The following VPS37A variants were observed in gnomAD, a reference collection of about 807,000 sequenced individuals.
VPS37A encodes vacuolar protein sorting-associated protein 37A.
A neutral mutation model predicts 49.8 loss-of-function variants in VPS37A; 30 were observed. The ratio of observed to expected loss-of-function variants is 0.60; its 90% CI spans 0.45 to 0.82. The LOEUF is 0.82. Among genes scored for constraint, VPS37A ranks in the 40% least tolerant of loss-of-function variants. VPS37A has a pLI of 0.00. For synonymous variants in VPS37A, 195 were observed against 160.6 expected, an observed-to-expected ratio of 1.21 and a Z score of -1.62; for missense variants, 593 against 464.4, an observed-to-expected ratio of 1.28 and a Z score of -2.55.
chr8:17,274,589 T>G, intron 4 of VPS37A, 144 bp from the exon 5 acceptor site: 1 of 551,956 alleles, frequency 1.8e-6, no homozygotes, highest in Non-Finnish European at 3.1e-6. Flanking sequence ...TTTAATTCCA[T>G]TATATAATTT....
intron 9 of VPS37A, 87 bp from the exon 10 acceptor site, chr8:17,284,386 T>A: frequency 6.9e-7 from 1 of 1,448,368 alleles, no homozygotes; most frequent in African/African-American, 1.5e-5. Flanking sequence ...ATAAATTGCC[T>A]CTCCATACCA....
At chr8:17,312,204 C>A in the VPS37A span, among the ~76,000 whole-genome samples, 18 of 152,316 alleles carry the variant, frequency 1.2e-4, 1 homozygote, top group South Asian at 3.1e-3. Context: ...TGGCAGTTAA[C>A]ATACGCTGGG....
the VPS37A span, among the ~76,000 whole-genome samples, chr8:17,316,842 T>C: frequency 6.6e-6 from 1 of 151,940 alleles, no homozygotes; most frequent in Non-Finnish European, 1.5e-5. Flanking sequence ...TCTGCGTGTG[T>C]GGATTTGAGA....
At chr8:17,304,674 G>A (rs1386086213), downstream of VPS37A, among the ~76,000 whole-genome samples, 1 of 151,638 alleles carries the variant, frequency 6.6e-6, no homozygotes, top group East Asian at 1.9e-4. Flanking sequence ...TGACTTCATG[G>A]TATAGAGGGA....
At chr8:17,251,093 CT>C (rs1251118147) in intron 1 of VPS37A, among the ~76,000 whole-genome samples, 1 of 152,142 alleles carries the variant, frequency 6.6e-6, no homozygotes, top group Non-Finnish European at 1.5e-5. Context: ...AAGGCCCATA[CT>C]TTGTGGAGGC....
the VPS37A span, among the ~76,000 whole-genome samples, chr8:17,313,135 A>G: frequency 3.3e-5 from 5 of 152,212 alleles, no homozygotes; most frequent in Non-Finnish European, 7.3e-5. Flanking sequence ...TCGCAAAATC[A>G]TATCTTCAGC....
intron 1 of VPS37A, among the ~76,000 whole-genome samples, chr8:17,261,649 C>G (rs923060880): frequency 1.3e-5 from 2 of 152,098 alleles, no homozygotes; most frequent in Non-Finnish European, 2.9e-5. Context: ...AGGTTTCTGC[C>G]TCCTTTTTGG....
At chr8:17,328,557 G>A in the VPS37A span, among the ~76,000 whole-genome samples, 25 of 152,076 alleles carry the variant, frequency 1.6e-4, 1 homozygote, top group Admixed American at 3.3e-4. Context: ...CACACATTGG[G>A]GCCTGTTGGC....
chr8:17,273,052 G>A (rs1287447260), intron 4 of VPS37A, among the ~76,000 whole-genome samples: 14 of 105,104 alleles, frequency 1.3e-4, no homozygotes, highest in African/African-American at 4.0e-4. Context: ...TTTTTTTGGT[G>A]GAGGGGGTCA....
chr8:17,286,493 T>C, intron 11 of VPS37A, 66 bp downstream of exon 11: 1 of 1,399,140 alleles, frequency 7.1e-7, no homozygotes, highest in Non-Finnish European at 1.0e-6. Context: ...AGACATGTTG[T>C]TAACGGTGCC....
chr8:17,273,192 A>G (rs777664549), intron 4 of VPS37A, among the ~76,000 whole-genome samples: 3 of 151,834 alleles, frequency 2.0e-5, no homozygotes, highest in Non-Finnish European at 4.4e-5. Flanking sequence ...AGATATTTTC[A>G]TGTTTTCTAA....
chr8:17,313,352 C>T, the VPS37A span: 3 of 1,612,904 alleles, frequency 1.9e-6, no homozygotes, highest in Non-Finnish European at 2.5e-6. Flanking sequence ...AGCCAGAGTT[C>T]TCCAGACCCC....
chr8:17,317,106 T>G, the VPS37A span, among the ~76,000 whole-genome samples: 1 of 152,244 alleles, frequency 6.6e-6, no homozygotes, highest in Non-Finnish European at 1.5e-5. Flanking sequence ...TTTTCCAGAC[T>G]TTTTAGAATT....
chr8:17,247,288 C>A lies in VPS37A; in HGVS notation c.44C>A (p.Ala15Glu). 1 of 1,566,220 alleles carries A rather than the reference C, an allele frequency of 6.4e-7. No individual in the cohort carries two copies. The highest frequency in any genetic ancestry group is 1.4e-5 in the African/African-American group (1 of 73,772). Reference sequence around the variant, plus strand: ...CTGACCAAGAGCGCCTCCTCCTCCGCGGCTGGGTCCCCCGGTGGCCTCACC... The same window carrying A: ...CTGACCAAGAGCGCCTCCTCCTCCGAGGCTGGGTCCCCCGGTGGCCTCACC... ...FPLTKSASSS[A>E]AGSPGGLTSL... is the part of the protein sequence containing the mutation. The change falls in exon 1 of 12, where the codon GCG becomes GAG. Residue 15 changes from alanine (A) to glutamate (E), a missense_variant. By Grantham distance (107) the Ala-to-Glu change is moderately radical. Transcript: ENST00000324849.
Position 17,247,175 on chromosome 8 carries a change from C to A in VPS37A, c.-70C>A. The A allele has an allele frequency of 6.5e-7, 1 of 1,546,660 alleles. No individual in the cohort carries two copies. The highest frequency in any genetic ancestry group is 1.9e-4 in the Middle Eastern group (1 of 5,252). On this transcript the variant is annotated 5_prime_UTR_variant, in exon 1 of 12. Coordinates refer to ENST00000324849, the MANE Select transcript of VPS37A (RefSeq NM_152415.3). ...CCCCGCTCCTCTGTCGCTGGAGAACCGCCGGGCCGAGCCACTGGGAGAAGC... is the reference window on the plus strand; with the variant it reads ...CCCCGCTCCTCTGTCGCTGGAGAACAGCCGGGCCGAGCCACTGGGAGAAGC...
the VPS37A span, among the ~76,000 whole-genome samples, chr8:17,313,934 G>A: frequency 6.6e-6 from 1 of 152,324 alleles, no homozygotes; most frequent in East Asian, 1.9e-4. Context: ...CCCAATGGGA[G>A]TAAGGCCTGT....
At position 17,274,887 on chromosome 8, in the gene VPS37A, C is replaced by A. The variant is rs1270097212; in HGVS notation, c.571C>A (p.Pro191Thr). ...AACAACAAGTCATACCACAGCCAAG[C>A]CTGCCGCTCCTTCATTTGGTGTCCT... ...SSTTSHTTAK[P>T]AAPSFGVLSN... Residue 191 changes from proline to threonine, a missense_variant, in exon 5 of 12, where the codon CCT becomes ACT. Physicochemically the swap from Pro to Thr is conservative, Grantham distance 38. Transcript: ENST00000324849. The A allele has an allele frequency of 4.3e-6, 7 of 1,614,028 alleles. No individual in the cohort carries two copies. Among genetic ancestry groups the A allele is most frequent in the Non-Finnish European group, 5.9e-6 (7 of 1,180,028 alleles).
chr8:17,306,086 C>A, downstream of VPS37A: 2 of 725,772 alleles, frequency 2.8e-6, no homozygotes, highest in African/African-American at 1.8e-5. Context: ...CTTGGAATGA[C>A]AAAAAAGGTA....
chr8:17,266,999 C>T (rs1813527102), intron 2 of VPS37A, among the ~76,000 whole-genome samples: 1 of 152,088 alleles, frequency 6.6e-6, no homozygotes, highest in Admixed American at 6.5e-5. Flanking sequence ...TCTCGAACTC[C>T]TGACCTCGTG....
Sources: allele counts gnomAD v4.1 joint callset (sites outside exome capture counted in the v4.1 genomes callset), GRCh38; gene constraint gnomAD v4.1.1; transcripts MANE v1.5; gene names NCBI Gene and HGNC (gene_info 2026-07-23, HGNC 2026-07-21).